Variants in ZNF704 observed in about 807,000 individuals in gnomAD.
The protein encoded by ZNF704 is glucocorticoid induced gene 1.
ZNF704 carries 10 observed loss-of-function variants against 44.7 expected under a neutral mutation model. The observed-to-expected ratio is 0.22, with a 90% CI of 0.14 to 0.38. ZNF704 has a LOEUF of 0.38. ZNF704 is among the 10% of genes least tolerant of loss of function. ZNF704 has a pLI of 1.00. For missense variants in ZNF704, 390 were observed against 545.5 expected, an observed-to-expected ratio of 0.71 and a Z score of 2.84; for synonymous variants, 211 against 207.6, an observed-to-expected ratio of 1.02 and a Z score of -0.14.
intron 2 of ZNF704, among the ~76,000 whole-genome samples, chr8:80,754,325 A>C (rs541088321): frequency 2.1e-4 from 32 of 152,330 alleles, no homozygotes; most frequent in African/African-American, 7.2e-4. Flanking sequence ...TGGTATGTGC[A>C]GTCACCTCTA....
chr8:80,714,983 G>T (rs1167153851), intron 2 of ZNF704, among the ~76,000 whole-genome samples: 1 of 152,062 alleles, frequency 6.6e-6, no homozygotes, highest in Non-Finnish European at 1.5e-5. Context: ...TGATTTCTAA[G>T]ATTAAAAAGA....
chr8:80,646,533 G>T (rs960143663), intron 7 of ZNF704, among the ~76,000 whole-genome samples: 4 of 151,860 alleles, frequency 2.6e-5, no homozygotes, highest in African/African-American at 9.7e-5. Flanking sequence ...AACCATTGTT[G>T]CCATGAGTTT....
At chr8:80,731,926 T>C (rs534606462) in intron 2 of ZNF704, among the ~76,000 whole-genome samples, 34 of 152,348 alleles carry the variant, frequency 2.2e-4, no homozygotes, top group Non-Finnish European at 4.4e-4. Flanking sequence ...AGTGCTAACA[T>C]TGCATATCAC....
At position 80,648,516 on chromosome 8, in the gene ZNF704, G is replaced by T. The variant is rs947906789; in HGVS notation, c.1033-5387C>A. Among the ~76,000 whole-genome samples, 6 of 152,192 alleles carry T rather than the reference G, an allele frequency of 3.9e-5. No homozygotes were observed. In the South Asian group the frequency reaches 1.2e-3, roughly 32 times the overall value. On this transcript the variant is annotated intron_variant, in intron 7 of 8. Coordinates refer to ENST00000327835, the MANE Select transcript of ZNF704 (RefSeq NM_001033723.3). ...CAACTACCATTTATTCAGTGCTTGCGAATGTGAAAGACAGGCAAGTAGGTT... is the reference window on the plus strand; with the variant it reads ...CAACTACCATTTATTCAGTGCTTGCTAATGTGAAAGACAGGCAAGTAGGTT...
chr8:80,643,013 G>C (rs1465136558), intron 8 of ZNF704, 22 bp downstream of exon 8: 1 of 1,518,992 alleles, frequency 6.6e-7, no homozygotes, highest in East Asian at 2.5e-5. Context: ...TGAGGTGTGT[G>C]GAGTTTTTTA....
intron 2 of ZNF704, among the ~76,000 whole-genome samples, chr8:80,731,005 T>C (rs73693881): frequency 0.12 from 18,314 of 152,228 alleles, 1,789 homozygotes; most frequent in African/African-American, 0.27. Flanking sequence ...TTTAAATGAA[T>C]GAGGAACCAC....
intron 4 of ZNF704, among the ~76,000 whole-genome samples, chr8:80,684,077 A>G (rs2131628488): frequency 6.6e-6 from 1 of 152,358 alleles, no homozygotes; most frequent in East Asian, 1.9e-4. Context: ...TGAGAGGGGC[A>G]TGTTAATACC....
At chr8:80,872,281 A>G (rs1427281756) in intron 1 of ZNF704, among the ~76,000 whole-genome samples, 1 of 152,208 alleles carries the variant, frequency 6.6e-6, no homozygotes, top group Non-Finnish European at 1.5e-5. Flanking sequence ...ATCATCCCAA[A>G]TAACTACTTG....
chr8:80,767,391 T>C (rs1807245635), intron 2 of ZNF704, among the ~76,000 whole-genome samples: 1 of 151,456 alleles, frequency 6.6e-6, no homozygotes, highest in Admixed American at 6.6e-5. Flanking sequence ...AACTCCATGT[T>C]CCCTCCTCTA....
chr8:80,765,421 T>C lies in ZNF704; in HGVS notation c.221+55953A>G, dbSNP rs371691049. Among the ~76,000 whole-genome samples the C allele has an allele frequency of 1.5e-3, 224 of 152,288 alleles. 2 individuals are homozygous for C. Among genetic ancestry groups the C allele is most frequent in the African/African-American group, 4.6e-3 (192 of 41,566 alleles). ...TCCATGTATTCCTTAATTTAGCAAATTGATGCCTAAAATTCAGTCCACAAG... is the reference window on the plus strand; with the variant it reads ...TCCATGTATTCCTTAATTTAGCAAACTGATGCCTAAAATTCAGTCCACAAG... On this transcript the variant is annotated intron_variant, in intron 2 of 8. Coordinates refer to ENST00000327835, the MANE Select transcript of ZNF704 (RefSeq NM_001033723.3).
rs761661847 is a variant in ZNF704, at chr8:80,659,551, A to C, written c.1032+34T>G. 2.5e-5 allele frequency: 40 copies of C among 1,590,426 alleles called. 1 individual carries two copies. The South Asian group carries it at 4.4e-4, about 18-fold the overall frequency. Reference sequence around the variant, plus strand: ...CTAAATTTAGTCTACATTGGCTTTGACCAGATTTTTGGCTTTTTCGTTTTT... The same window carrying C: ...CTAAATTTAGTCTACATTGGCTTTGCCCAGATTTTTGGCTTTTTCGTTTTT... On this transcript the variant is annotated intron_variant, in intron 7 of 8. Coordinates refer to ENST00000327835, the MANE Select transcript of ZNF704 (RefSeq NM_001033723.3).
intron 6 of ZNF704, among the ~76,000 whole-genome samples, chr8:80,660,316 AAAAAAATT>A (rs1458271832): frequency 3.3e-5 from 5 of 152,002 alleles, no homozygotes; most frequent in African/African-American, 9.7e-5. Flanking sequence ...ACTAAAATTA[AAAAAAATT>A]AGCCAGGGGT....
intron 2 of ZNF704, among the ~76,000 whole-genome samples, chr8:80,756,603 A>C (rs1807040292): frequency 6.6e-6 from 1 of 152,156 alleles, no homozygotes. Flanking sequence ...TTTTTCAGAA[A>C]CTCACTTGGT....
At chr8:80,780,291 C>T (rs141389887) in intron 2 of ZNF704, among the ~76,000 whole-genome samples, 132 of 152,174 alleles carry the variant, frequency 8.7e-4, no homozygotes, top group Middle Eastern at 3.4e-3. Context: ...CTGAACTTTT[C>T]GAAGAGTAGG....
At chr8:80,865,510 A>G (rs1297458448) in intron 1 of ZNF704, among the ~76,000 whole-genome samples, 1 of 152,190 alleles carries the variant, frequency 6.6e-6, no homozygotes, top group Non-Finnish European at 1.5e-5. Flanking sequence ...ACATTTATGA[A>G]CTAAAATTAT....
chr8:80,868,776 C>T (rs1440949431), intron 1 of ZNF704, among the ~76,000 whole-genome samples: 2 of 152,134 alleles, frequency 1.3e-5, no homozygotes, highest in Non-Finnish European at 2.9e-5. Context: ...TTGTTTTCTC[C>T]AACCCACTGA....
rs1054855708 is a variant in ZNF704, at chr8:80,628,812, G to C, written c.*12554C>G. The C allele has an allele frequency of 2.0e-5, 3 of 152,186 alleles. No homozygotes were observed. Among genetic ancestry groups the C allele is most frequent in the African/African-American group, 7.2e-5 (3 of 41,436 alleles). 9.4% of individuals were successfully genotyped at this position (152,186 alleles called of 1,614,324 possible). ...ACCAGTGTAGCAAATCCTTAACTCT[G>C]GGGGGACAGAGCCACTTCTGCATTT... On this transcript the variant is annotated 3_prime_UTR_variant, in exon 9 of 9. Transcript: ENST00000327835.
rs1038664286 is a variant in ZNF704, at chr8:80,702,351, T to C, written c.222-9244A>G. The stretch of plus-strand genomic sequence containing the variant: ...CTGTTATGGGTACTGGGAGAGAAAA[T>C]GGAGCAGGACACCAAAAGTCTATCA... On this transcript the variant is annotated intron_variant, in intron 2 of 8. Coordinates refer to ENST00000327835, the MANE Select transcript of ZNF704 (RefSeq NM_001033723.3). 2.0e-5 allele frequency among the ~76,000 whole-genome samples: 3 copies of C among 151,944 alleles called. No individual in the cohort carries two copies. The South Asian group carries it at 6.2e-4, about 32-fold the overall frequency.
chr8:80,822,392 T>C (rs1808290560), intron 1 of ZNF704, among the ~76,000 whole-genome samples: 1 of 152,052 alleles, frequency 6.6e-6, no homozygotes, highest in Non-Finnish European at 1.5e-5. Flanking sequence ...TTTTTATGGC[T>C]GCATAGTATT....
Sources: gnomAD v4.1 joint callset for allele counts (sites outside exome capture counted in the v4.1 genomes callset) on GRCh38, gnomAD v4.1.1 for gene constraint, MANE v1.5 for transcripts, NCBI Gene and HGNC (gene_info 2026-07-23, HGNC 2026-07-21) for gene names.